PEAK1: variants seen among roughly 807,000 people sequenced by gnomAD.
PEAK1 encodes the protein pseudopodium enriched atypical kinase 1.
A neutral mutation model predicts 124.7 loss-of-function variants in PEAK1; 54 were observed. The observed-to-expected ratio is 0.43, with a 90% CI of 0.35 to 0.54. The LOEUF is 0.54. Ranked by LOEUF, PEAK1 falls within the 20% of genes least tolerant of loss-of-function variation. The pLI is 0.01. For synonymous variants in PEAK1, 719 were observed against 760.0 expected (o/e 0.95, Z 0.89); for missense variants, 2,046 against 2,134.5 (o/e 0.96, Z 0.82).
rs1169371564 is a variant in PEAK1 at position 77,114,161 on chromosome 15, G to A, written c.5236C>T (p.Arg1746Cys). 5.6e-6 allele frequency: 9 copies of A among 1,613,290 alleles called. No individual in the cohort carries two copies. The highest frequency in any genetic ancestry group is 1.3e-5 in the African/African-American group (1 of 74,900). ...LSCIVKILQH[R>C] ...AAGCATCATCCAGGTACACATTAACGGTGCTGCAGAATTTTCACAATACAA... is the reference window on the plus strand; with the variant it reads ...AAGCATCATCCAGGTACACATTAACAGTGCTGCAGAATTTTCACAATACAA... Residue 1746 changes from arginine (R) to cysteine (C), a missense_variant, in exon 10 of 10, where the codon CGT becomes TGT. Physicochemically the swap from Arg to Cys is radical, Grantham distance 180 (BLOSUM62 -3). Transcript: ENST00000682557.
At position 77,416,607 on chromosome 15, in the gene PEAK1, G is replaced by C. The variant is rs558460287; in HGVS notation, c.-666+3399C>G. On this transcript the variant is annotated intron_variant, in intron 1 of 9. Coordinates refer to ENST00000682557, the MANE Select transcript of PEAK1 (RefSeq NM_001385026.1). ...GGAATTAAGTTAAAGTTATTAACTT[G>C]GTTCACAAGACAATCATTGATTTGG... Among the ~76,000 whole-genome samples the C allele has an allele frequency of 2.0e-5, 3 of 152,264 alleles. No homozygotes were observed. In the South Asian group the frequency reaches 6.2e-4, roughly 32 times the overall value.
At chr15:77,407,906 TATATATACACATATATAC>T (rs1362518330) in intron 1 of PEAK1, among the ~76,000 whole-genome samples, 1 of 142,530 alleles carries the variant, frequency 7.0e-6, no homozygotes, top group East Asian at 2.0e-4. Context: ...TATATACACA[TATATATACACATATATAC>T]ATATATACAC....
intron 6 of PEAK1, among the ~76,000 whole-genome samples, chr15:77,246,050 C>CTG (rs2060569555): frequency 6.6e-6 from 1 of 151,736 alleles, no homozygotes; most frequent in East Asian, 1.9e-4. Context: ...CACTCTGTCG[C>CTG]CAGGCTGGAG....
Position 77,286,511 on chromosome 15 carries a change from G to T in PEAK1, c.-602-7C>A, listed in dbSNP as rs901835236. ...GATCTCAAGTATTCTTTTCCTATTAGAAGATGCAAAGTGGGGAAGATATAT... is the reference window on the plus strand; with the variant it reads ...GATCTCAAGTATTCTTTTCCTATTATAAGATGCAAAGTGGGGAAGATATAT... On this transcript the variant is annotated splice_region_variant and splice_polypyrimidine_tract_variant and intron_variant, in intron 2 of 9. Transcript: ENST00000682557. The T allele has an allele frequency of 2.5e-6, 3 of 1,214,288 alleles. No individual in the cohort carries two copies. Among genetic ancestry groups the T allele is most frequent in the Admixed American group, 4.2e-5 (1 of 23,654 alleles). 75.2% of individuals were successfully genotyped at this position (1,214,288 alleles called of 1,614,324 possible).
At chr15:77,190,906 C>G (rs1211362339) in intron 6 of PEAK1, among the ~76,000 whole-genome samples, 1 of 152,174 alleles carries the variant, frequency 6.6e-6, no homozygotes, top group Non-Finnish European at 1.5e-5. Flanking sequence ...TATTAAATTG[C>G]TGTTAATTTG....
intron 5 of PEAK1, among the ~76,000 whole-genome samples, chr15:77,268,077 C>T (rs930037982): frequency 1.3e-5 from 2 of 152,144 alleles, no homozygotes; most frequent in Non-Finnish European, 2.9e-5. Context: ...AATGGAATGC[C>T]TCAGAAATAG....
chr15:77,271,863 C>T (rs369445805), intron 5 of PEAK1, among the ~76,000 whole-genome samples: 30 of 151,810 alleles, frequency 2.0e-4, no homozygotes, highest in East Asian at 7.7e-4. Context: ...CACACCAACA[C>T]GGCACATGTA....
chr15:77,306,873 C>T (rs2064135268), intron 2 of PEAK1, among the ~76,000 whole-genome samples: 1 of 152,108 alleles, frequency 6.6e-6, no homozygotes, highest in Non-Finnish European at 1.5e-5. Flanking sequence ...ATTAAATTTG[C>T]TGTCTTTCCA....
chr15:77,345,965 T>G, intron 2 of PEAK1: 1 of 985,372 alleles, frequency 1.0e-6, no homozygotes, highest in Non-Finnish European at 1.2e-6. Context: ...AGGTCTATCA[T>G]GGTCAAAAAG....
chr15:77,272,900 A>T (rs1187709425), intron 5 of PEAK1, among the ~76,000 whole-genome samples: 1 of 152,240 alleles, frequency 6.6e-6, no homozygotes, highest in Non-Finnish European at 1.5e-5. Flanking sequence ...GAGATAAAAA[A>T]GATAATCCAC....
rs769788670 is a variant in PEAK1 at position 77,179,313 on chromosome 15, G to A, written c.2614C>T (p.Pro872Ser). Residue 872 changes from proline (P) to serine (S), a missense_variant, in exon 7 of 10, where the codon CCG (proline) becomes TCG (serine). Pro to Ser is a moderately conservative substitution (Grantham distance 74). Transcript: ENST00000682557. ...PQSEPPAPFPPPRSTSSPYHA... is the reference protein window; with the variant it reads ...PQSEPPAPFPSPRSTSSPYHA... ...TAAGGAGAAGAAGTAGAGCGTGGCG[G>A]GGGAAAGGGAGCTGGTGGCTCACTT... 3 of 1,614,076 alleles carry A rather than the reference G, an allele frequency of 1.9e-6. No homozygotes were observed. Among genetic ancestry groups the A allele is most frequent in the Non-Finnish European group, 2.5e-6 (3 of 1,180,026 alleles).
At chr15:77,346,738 G>A (rs538255912) in intron 2 of PEAK1, 113 of 982,842 alleles carry the variant, frequency 1.1e-4, no homozygotes, top group Middle Eastern at 5.2e-4. Context: ...ACATTTGTAC[G>A]AATAGCTGGT....
At chr15:77,417,725 A>C (rs2073004409) in intron 1 of PEAK1, 1 of 985,328 alleles carries the variant, frequency 1.0e-6, no homozygotes, top group Non-Finnish European at 1.2e-6. Flanking sequence ...ACAGCACATC[A>C]GTACAGTTAA....
intron 5 of PEAK1, among the ~76,000 whole-genome samples, chr15:77,275,055 T>C (rs2062237997): frequency 6.6e-6 from 1 of 152,114 alleles, no homozygotes; most frequent in African/African-American, 2.4e-5. Flanking sequence ...CCAAGTGAAG[T>C]AACTCAGGAA....
At chr15:77,108,126 G>A (rs989513287), downstream of PEAK1, 8 of 152,232 alleles carry the variant, frequency 5.3e-5, no homozygotes, top group Non-Finnish European at 1.2e-4. Flanking sequence ...TGTCAGTGTG[G>A]AAGAGTCGCC....
At chr15:77,386,384 T>C (rs1214236446) in intron 1 of PEAK1, among the ~76,000 whole-genome samples, 1 of 152,220 alleles carries the variant, frequency 6.6e-6, no homozygotes, top group African/African-American at 2.4e-5. Flanking sequence ...TTCATAGATT[T>C]CTAGTTTGGA....
In PEAK1 at chr15:77,179,366, G is replaced by A; in HGVS notation, c.2561C>T (p.Ser854Phe). 1 of 1,614,138 alleles carries A rather than the reference G, an allele frequency of 6.2e-7. No individual in the cohort carries two copies. The highest frequency in any genetic ancestry group is 8.5e-7 in the Non-Finnish European group (1 of 1,180,022). ...GGGGCTAGTCACTAATTTGGAGGGA[G>A]AGGGGGTGACTGGCTTTATGGATGG... The part of the protein sequence containing the change: ...KDPSIKPVTP[S>F]PSKLVTSPQS... The change falls in exon 7 of 10, where the codon TCT becomes TTT. Residue 854 changes from serine to phenylalanine, a missense_variant. Coordinates refer to ENST00000682557, the MANE Select transcript of PEAK1 (RefSeq NM_001385026.1).
intron 6 of PEAK1, among the ~76,000 whole-genome samples, chr15:77,210,087 T>C (rs2058834963): frequency 6.6e-6 from 1 of 152,164 alleles, no homozygotes; most frequent in African/African-American, 2.4e-5. Context: ...CAACTACCAG[T>C]TGTTACAGAG....
At chr15:77,405,031 G>C (rs1429210144) in intron 1 of PEAK1, among the ~76,000 whole-genome samples, 8 of 149,772 alleles carry the variant, frequency 5.3e-5, no homozygotes, top group African/African-American at 2.0e-4. Context: ...TTTTGAGACA[G>C]AGTCTTGCTC....
Sources: allele counts gnomAD v4.1 joint callset (sites outside exome capture counted in the v4.1 genomes callset), GRCh38; gene constraint gnomAD v4.1.1; transcripts MANE v1.5; gene names NCBI Gene and HGNC (gene_info 2026-07-23, HGNC 2026-07-21).